The following KALRN variants were observed in gnomAD, a reference collection of about 807,000 sequenced individuals.
KALRN encodes the protein kalirin.
KALRN carries 70 observed loss-of-function variants against 353.7 expected under a neutral mutation model. That is an observed-to-expected ratio of 0.20 (90% CI 0.16 to 0.24). The LOEUF (loss-of-function observed/expected upper bound fraction) is 0.24, where lower values mean the gene tolerates loss of function less well. Ranked by LOEUF, KALRN falls within the 10% of genes least tolerant of loss-of-function variation. The pLI, the probability that KALRN is intolerant of heterozygous loss-of-function variation, is 1.00. For synonymous variants in KALRN, 1,391 were observed against 1,434.8 expected, an observed-to-expected ratio of 0.97 and a Z score of 0.69; for missense variants, 2,791 against 3,756.7, an observed-to-expected ratio of 0.74 and a Z score of 6.72.
intron 11 of KALRN, among the ~76,000 whole-genome samples, chr3:124,392,820 G>T (rs1317624239): frequency 2.6e-5 from 4 of 150,972 alleles, no homozygotes; most frequent in Admixed American, 6.6e-5. Flanking sequence ...AAGTTTTAGG[G>T]TACATGTGCA....
intron 25 of KALRN, among the ~76,000 whole-genome samples, chr3:124,466,466 C>T (rs187802395): frequency 7.6e-5 from 11 of 144,716 alleles, no homozygotes; most frequent in African/African-American, 2.6e-4. Flanking sequence ...ACTTGTAATT[C>T]AAGAAAATAA....
chr3:124,074,576 G>T (rs1577804968), intron 1 of KALRN, among the ~76,000 whole-genome samples: 1 of 152,294 alleles, frequency 6.6e-6, no homozygotes, highest in East Asian at 1.9e-4. Context: ...TTATGAAGTA[G>T]ATCCATCCCT....
chr3:124,172,344 G>T (rs2071970048), intron 1 of KALRN, among the ~76,000 whole-genome samples: 1 of 152,164 alleles, frequency 6.6e-6, no homozygotes, highest in Admixed American at 6.5e-5. Context: ...GCTTATCCCA[G>T]TAGGATAAAT....
chr3:124,669,556 T>A (rs557330570), intron 47 of KALRN, among the ~76,000 whole-genome samples: 16 of 152,374 alleles, frequency 1.1e-4, no homozygotes, highest in African/African-American at 3.8e-4. Context: ...ATCAGTTTGA[T>A]AAGGCCTACT....
intron 10 of KALRN, among the ~76,000 whole-genome samples, chr3:124,381,858 T>C (rs962791220): frequency 1.3e-5 from 2 of 152,084 alleles, no homozygotes; most frequent in African/African-American, 4.8e-5. Context: ...GGAGATACAT[T>C]GTTACTATAA....
Position 124,311,064 on chromosome 3 carries a change from C to CTTTTTTTTTTTTTTTTTT in KALRN, c.1092+12162_1092+12179dup, listed in dbSNP as rs71145446. The stretch of plus-strand genomic sequence containing the variant: ...TCAAAACCACAATGAGATACTACTT[C>CTTTTTTTTTTTTTTTTTT]TTTTTTTTTTTTTTTTTTTTTTTTT... On this transcript the variant is annotated intron_variant, in intron 6 of 59. Coordinates refer to ENST00000682506, the MANE Select transcript of KALRN (RefSeq NM_001388419.1). Among the ~76,000 whole-genome samples, 42 of 67,526 alleles carry CTTTTTTTTTTTTTTTTTT rather than the reference C, an allele frequency of 6.2e-4. 9 individuals are homozygous for CTTTTTTTTTTTTTTTTTT. Among genetic ancestry groups the CTTTTTTTTTTTTTTTTTT allele is most frequent in the Non-Finnish European group, 8.7e-4 (33 of 37,836 alleles). The allele number at this position is 67,526 out of a possible 152,430, so 44.3% of individuals were successfully genotyped here.
intron 1 of KALRN, among the ~76,000 whole-genome samples, chr3:124,139,159 A>G (rs75580943): frequency 0.056 from 8,496 of 152,208 alleles, 356 homozygotes; most frequent in South Asian, 0.1. Flanking sequence ...TCTCTTGGTT[A>G]CATGGTCCTT....
chr3:124,231,800 T>C (rs2079192192), intron 2 of KALRN, among the ~76,000 whole-genome samples: 1 of 152,176 alleles, frequency 6.6e-6, no homozygotes, highest in South Asian at 2.1e-4. Context: ...TCCATTAACA[T>C]CTTGCAGATC....
intron 6 of KALRN, among the ~76,000 whole-genome samples, chr3:124,319,650 G>A (rs1003441190): frequency 2.0e-5 from 3 of 150,688 alleles, no homozygotes; most frequent in African/African-American, 7.3e-5. Context: ...ATAGAGATGA[G>A]AAAAAGACCC....
At chr3:124,396,726 A>C (rs2090205094) in intron 12 of KALRN, among the ~76,000 whole-genome samples, 1 of 152,254 alleles carries the variant, frequency 6.6e-6, no homozygotes, top group Non-Finnish European at 1.5e-5. Context: ...GTAAACCTGC[A>C]CAATGCCTAA....
chr3:124,327,699 A>G (rs1238313544), intron 7 of KALRN, among the ~76,000 whole-genome samples: 1 of 152,252 alleles, frequency 6.6e-6, no homozygotes, highest in African/African-American at 2.4e-5. Flanking sequence ...TGTGTTTTAC[A>G]CTAGGCCTGT....
intron 1 of KALRN, among the ~76,000 whole-genome samples, chr3:124,038,436 C>T (rs2039631058): frequency 6.6e-6 from 1 of 152,086 alleles, no homozygotes; most frequent in Non-Finnish European, 1.5e-5. Context: ...GTTAGAGTCA[C>T]AGCAGGTTTG....
intron 23 of KALRN, among the ~76,000 whole-genome samples, chr3:124,457,572 T>C (rs1440541200): frequency 1.3e-5 from 2 of 152,256 alleles, no homozygotes; most frequent in Admixed American, 1.3e-4. Context: ...ACCTACACTT[T>C]TTATGTCCTA....
intron 10 of KALRN, among the ~76,000 whole-genome samples, chr3:124,362,098 C>G (rs1161747868): frequency 6.6e-6 from 1 of 152,076 alleles, no homozygotes; most frequent in African/African-American, 2.4e-5. Context: ...GATTTGAGAA[C>G]ATGTGGGTAG....
chr3:124,161,616 A>G (rs2069968369), intron 1 of KALRN, among the ~76,000 whole-genome samples: 1 of 152,214 alleles, frequency 6.6e-6, no homozygotes, highest in Admixed American at 6.5e-5. Context: ...GTATGTTACT[A>G]AAAATGTCTC....
chr3:124,225,578 C>T (rs555376741), intron 1 of KALRN, among the ~76,000 whole-genome samples: 1 of 152,264 alleles, frequency 6.6e-6, no homozygotes, highest in South Asian at 2.1e-4. Context: ...GCTGCATGGA[C>T]AAGCTGCACA....
At chr3:124,520,095 T>C (rs2067035947) in intron 33 of KALRN, among the ~76,000 whole-genome samples, 1 of 151,304 alleles carries the variant, frequency 6.6e-6, no homozygotes, top group South Asian at 2.1e-4. Flanking sequence ...AGAATAAAGA[T>C]AATCATAGGT....
At chr3:124,379,007 C>A (rs558790837) in intron 10 of KALRN, among the ~76,000 whole-genome samples, 28 of 152,078 alleles carry the variant, frequency 1.8e-4, no homozygotes, top group African/African-American at 5.5e-4. Flanking sequence ...TTTTCCAATA[C>A]CCTCCTCTTC....
intron 1 of KALRN, among the ~76,000 whole-genome samples, chr3:124,122,541 C>G (rs1194237729): frequency 6.6e-6 from 1 of 152,184 alleles, no homozygotes. Context: ...CTTCGTGTCT[C>G]TATGTCACAT....
Sources: allele counts gnomAD v4.1 joint callset (sites outside exome capture counted in the v4.1 genomes callset), GRCh38; gene constraint gnomAD v4.1.1; transcripts MANE v1.5; gene names NCBI Gene and HGNC (gene_info 2026-07-23, HGNC 2026-07-21).